KIF13B: variants seen among roughly 807,000 people sequenced by gnomAD.
KIF13B encodes the protein kinesin family member 13B.
Under a neutral mutation model 222.0 loss-of-function variants are expected in KIF13B, and 127 were observed. The ratio of observed to expected loss-of-function variants is 0.57; its 90% CI spans 0.50 to 0.66. KIF13B has a LOEUF of 0.66. KIF13B is among the 30% of genes least tolerant of loss of function. The probability of loss-of-function intolerance (pLI) is 0.00; values close to 1 mark genes in which losing one functional copy is unlikely to be tolerated. For synonymous variants in KIF13B, 976 were observed against 919.0 expected (o/e 1.06, Z -1.12); for missense variants, 2,173 against 2,379.0 (o/e 0.91, Z 1.80).
intron 17 of KIF13B, among the ~76,000 whole-genome samples, chr8:29,146,829 G>T (rs1050608631): frequency 1.3e-5 from 2 of 152,186 alleles, no homozygotes; most frequent in Non-Finnish European, 2.9e-5. Context: ...TTCTGTCTCA[G>T]CAGGTCTGAG....
At chr8:29,089,878 T>G in intron 37 of KIF13B, among the ~76,000 whole-genome samples, 1 of 114,586 alleles carries the variant, frequency 8.7e-6, no homozygotes, top group South Asian at 3.2e-4. Flanking sequence ...AGAGCAAGAC[T>G]CTGTCTCAAA....
At chr8:29,108,372 T>G (rs1302887087) in intron 34 of KIF13B, among the ~76,000 whole-genome samples, 180 bp from the exon 35 acceptor site, 1 of 152,216 alleles carries the variant, frequency 6.6e-6, no homozygotes, top group Admixed American at 6.5e-5. Flanking sequence ...TTGAATTGGT[T>G]ATGAACAATT....
chr8:29,263,193 C>A, upstream of KIF13B: 1 of 630,696 alleles, frequency 1.6e-6, no homozygotes, highest in Non-Finnish European at 2.6e-6. Flanking sequence ...CGCTGTATGG[C>A]GGGACTTGTA....
At chr8:29,197,243 A>G (rs1454120949) in intron 2 of KIF13B, among the ~76,000 whole-genome samples, 1 of 145,784 alleles carries the variant, frequency 6.9e-6, no homozygotes, top group Non-Finnish European at 1.5e-5. Context: ...AGGCTGAGGC[A>G]GGAGAATGGC....
chr8:29,141,108 C>T (rs551938031), intron 19 of KIF13B, among the ~76,000 whole-genome samples: 4 of 152,028 alleles, frequency 2.6e-5, no homozygotes, highest in African/African-American at 2.4e-5. Flanking sequence ...CCAAGGCAGG[C>T]GGGTCACCTG....
At chr8:29,195,560 T>C (rs547544871) in intron 3 of KIF13B, among the ~76,000 whole-genome samples, 9 of 152,146 alleles carry the variant, frequency 5.9e-5, no homozygotes, top group Admixed American at 2.0e-4. Flanking sequence ...ACCCCAAGAA[T>C]GGAGACAGAA....
chr8:29,155,629 T>A, intron 14 of KIF13B, 97 bp downstream of exon 14: 1 of 1,025,944 alleles, frequency 9.7e-7, no homozygotes. Flanking sequence ...TTACTTAATG[T>A]GGTCAACTTA....
chr8:29,127,376 AC>A (rs2129790125), intron 24 of KIF13B, 108 bp from the exon 25 acceptor site: 1 of 850,318 alleles, frequency 1.2e-6, no homozygotes, highest in Admixed American at 2.3e-5. Context: ...TAATTCAGAC[AC>A]TGTCACTATA....
At chr8:29,177,039 TA>T (rs1812509287) in intron 9 of KIF13B, among the ~76,000 whole-genome samples, 1 of 152,216 alleles carries the variant, frequency 6.6e-6, no homozygotes, top group African/African-American at 2.4e-5. Context: ...ATCCTCTCTA[TA>T]GCTTAGACCA....
intron 16 of KIF13B, among the ~76,000 whole-genome samples, chr8:29,148,200 C>G (rs1397286451): frequency 1.3e-5 from 2 of 152,064 alleles, no homozygotes; most frequent in African/African-American, 4.8e-5. Flanking sequence ...GCGAGACTCT[C>G]TCACAAAAAA....
intron 37 of KIF13B, among the ~76,000 whole-genome samples, chr8:29,091,432 C>A (rs1652323494): frequency 6.6e-6 from 1 of 152,220 alleles, no homozygotes; most frequent in Non-Finnish European, 1.5e-5. Context: ...CTTCACCAAA[C>A]AGCAACTGAA....
chr8:29,161,471 A>T (rs1044060076), intron 12 of KIF13B, among the ~76,000 whole-genome samples: 2 of 152,102 alleles, frequency 1.3e-5, no homozygotes, highest in African/African-American at 4.8e-5. Context: ...GTGGGAGGCC[A>T]AGGCAGGCAG....
intron 19 of KIF13B, among the ~76,000 whole-genome samples, chr8:29,141,077 T>C (rs547351839): frequency 6.6e-6 from 1 of 152,316 alleles, no homozygotes; most frequent in East Asian, 1.9e-4. Flanking sequence ...CTCACACCTA[T>C]AATCCCAGCA....
chr8:29,071,946 C>A lies in KIF13B; in HGVS notation c.4892G>T (p.Gly1631Val). Reference protein sequence around the residue: ...PPGPQQLVSPGRERPDLEAPA... With the variant: ...PPGPQQLVSPVRERPDLEAPA... Reference sequence around the variant, plus strand: ...GGCCTCGAGGTCGGGGCGCTCCCGACCGGGGCTCACGAGCTGCTGGGGGCC... The same window carrying A: ...GGCCTCGAGGTCGGGGCGCTCCCGAACGGGGCTCACGAGCTGCTGGGGGCC... The change falls in exon 39 of 40, where the codon GGT becomes GTT. Residue 1631 changes from glycine (G) to valine (V), a missense_variant. Around this residue, in one of 2 missense-constraint regions of KIF13B, gnomAD observed 693 missense variants for 656.2 expected, o/e 1.06. Transcript: ENST00000524189. This position sits in a 1 kb window ranked among gnomAD's most constrained non-coding sequence, Gnocchi z 4.9. 7.3e-7 allele frequency: 1 copy of A among 1,376,434 alleles called. No homozygotes were observed. The highest frequency in any genetic ancestry group is 9.3e-7 in the Non-Finnish European group (1 of 1,073,002). 85.3% of individuals were successfully genotyped at this position (1,376,434 alleles called of 1,614,324 possible).
intron 14 of KIF13B, among the ~76,000 whole-genome samples, chr8:29,155,114 G>A (rs777147771): frequency 6.6e-6 from 1 of 152,062 alleles, no homozygotes; most frequent in Non-Finnish European, 1.5e-5. Flanking sequence ...GGTGTATTAA[G>A]TTCCTGTGTA....
chr8:29,091,658 G>C (rs1808304643), intron 37 of KIF13B, among the ~76,000 whole-genome samples: 1 of 152,150 alleles, frequency 6.6e-6, no homozygotes, highest in Admixed American at 6.5e-5. Flanking sequence ...ACAAAATAAT[G>C]ACCCACTGGT....
chr8:29,084,016 G>A (rs1807928749), intron 37 of KIF13B, among the ~76,000 whole-genome samples: 1 of 152,106 alleles, frequency 6.6e-6, no homozygotes, highest in Admixed American at 6.5e-5. Flanking sequence ...CAGGGTTCAA[G>A]CGATTCCCCT....
Position 29,140,573 on chromosome 8 carries a change from C to T in KIF13B, c.2379G>A (p.Glu793=), listed in dbSNP as rs755084019. ...YFKRADPFYD[E]QENHSLIGVA... ...CCCCAATGAGACTGTGATTTTCCTGCTCATCATAGAATGGATCAGCACGTT... is the reference window on the plus strand; with the variant it reads ...CCCCAATGAGACTGTGATTTTCCTGTTCATCATAGAATGGATCAGCACGTT... The change falls in exon 20 of 40, where the codon GAG becomes GAA. Residue 793 remains glutamate (E), a synonymous_variant. Transcript: ENST00000524189. 3 of 1,613,876 alleles carry T rather than the reference C, an allele frequency of 1.9e-6. No individual in the cohort carries two copies. The highest frequency in any genetic ancestry group is 2.2e-5 in the South Asian group (2 of 91,080).
intron 26 of KIF13B, 69 bp from the exon 27 acceptor site, chr8:29,124,192 T>A (rs1810004893): frequency 1.1e-6 from 1 of 926,750 alleles, no homozygotes. Context: ...TGATGCTCTA[T>A]CTTACCTTGC....
Sources: gnomAD v4.1 joint callset for allele counts (sites outside exome capture counted in the v4.1 genomes callset) on GRCh38, gnomAD v4.1.1 for gene constraint, gnomAD v4.1.1 regional missense constraint, Gnocchi (gnomAD v3.1) non-coding constraint, MANE v1.5 for transcripts, NCBI Gene and HGNC (gene_info 2026-07-23, HGNC 2026-07-21) for gene names.